The following PAX5 variants were observed in gnomAD, a reference collection of about 807,000 sequenced individuals.
The protein encoded by PAX5 is paired box 5, also known as paired box protein Pax-5.
Under a neutral mutation model 43.7 loss-of-function variants are expected in PAX5, and 9 were observed. The observed-to-expected ratio is 0.21, with a 90% confidence interval of 0.12 to 0.36. The LOEUF (loss-of-function observed/expected upper bound fraction) is 0.36. Ranked by LOEUF, PAX5 falls within the 10% of genes least tolerant of loss-of-function variation. PAX5 has a pLI of 1.00. For missense variants in PAX5, 383 were observed against 532.7 expected, an observed-to-expected ratio of 0.72 and a Z score of 2.77; for synonymous variants, 228 against 214.3, an observed-to-expected ratio of 1.06 and a Z score of -0.56.
chr9:36,990,308 A>T (rs1051462631), intron 5 of PAX5, among the ~76,000 whole-genome samples: 1 of 152,172 alleles, frequency 6.6e-6, no homozygotes. Flanking sequence ...TTGAGTCAGC[A>T]CTAGAACTCG....
At chr9:37,016,937 G>A (rs551597575) in intron 2 of PAX5, among the ~76,000 whole-genome samples, 24 of 152,276 alleles carry the variant, frequency 1.6e-4, no homozygotes, top group Non-Finnish European at 3.2e-4. Flanking sequence ...TCATTGAAAA[G>A]AGTGAGTCAT....
intron 1 of PAX5, among the ~76,000 whole-genome samples, chr9:37,025,664 C>T (rs1353485005): frequency 2.6e-5 from 4 of 152,356 alleles, no homozygotes; most frequent in Middle Eastern, 3.4e-3. Flanking sequence ...GCGCTCATCT[C>T]ACAGGAGGCT....
In PAX5 at chr9:36,984,427, G is replaced by A. The variant is rs59879244; in HGVS notation, c.605-17703C>T. On this transcript the variant is annotated intron_variant, in intron 5 of 9. Transcript: ENST00000358127. The stretch of plus-strand genomic sequence containing the variant: ...GCTTTGTGGCCCTGGATTGGTTATT[G>A]AACCTCTCTTTTTTTTTTTTTTTTT... Among the ~76,000 whole-genome samples, 816 of 127,128 alleles carry A rather than the reference G, an allele frequency of 6.4e-3. 12 individuals are homozygous for A. The highest frequency in any genetic ancestry group is 0.023 in the African/African-American group (749 of 32,054). 83.4% of individuals were successfully genotyped at this position (127,128 alleles called of 152,430 possible).
intron 1 of PAX5, among the ~76,000 whole-genome samples, chr9:37,026,248 C>A (rs921164007): frequency 6.6e-6 from 1 of 152,386 alleles, no homozygotes; most frequent in Middle Eastern, 3.4e-3. Context: ...CGGGTCCAAG[C>A]CAGGGTTCTC....
intron 7 of PAX5, among the ~76,000 whole-genome samples, chr9:36,919,000 G>C (rs576040333): frequency 8.5e-5 from 13 of 152,328 alleles, no homozygotes; most frequent in Admixed American, 2.6e-4. Context: ...CATAGATAGA[G>C]AGGAGAAGCC....
At chr9:36,856,157 A>G (rs936501127) in intron 8 of PAX5, among the ~76,000 whole-genome samples, 1 of 152,242 alleles carries the variant, frequency 6.6e-6, no homozygotes, top group Admixed American at 6.5e-5. Flanking sequence ...ATACCAATGC[A>G]GACTGAGTGA....
At chr9:36,885,409 G>T (rs3780138) in intron 7 of PAX5, among the ~76,000 whole-genome samples, 89,771 of 151,938 alleles carry the variant, frequency 0.59, 27,377 homozygotes, top group African/African-American at 0.75. Flanking sequence ...TCTGAGCCTC[G>T]ATTTCCTTAT....
At chr9:36,974,768 G>C (rs1835277724) in intron 5 of PAX5, among the ~76,000 whole-genome samples, 1 of 152,152 alleles carries the variant, frequency 6.6e-6, no homozygotes, top group South Asian at 2.1e-4. Flanking sequence ...GCTAGCTGCT[G>C]TCATCCTCAT....
At chr9:36,908,158 C>G (rs985589852) in intron 7 of PAX5, among the ~76,000 whole-genome samples, 1 of 150,440 alleles carries the variant, frequency 6.6e-6, no homozygotes, top group Non-Finnish European at 1.5e-5. Context: ...ATGATCACAC[C>G]GCTGCACTCC....
intron 1 of PAX5, among the ~76,000 whole-genome samples, chr9:37,030,439 C>A (rs1024096595): frequency 1.3e-5 from 2 of 152,198 alleles, no homozygotes; most frequent in Admixed American, 1.3e-4. Flanking sequence ...TGTCTCTGAA[C>A]GCCCACGAGC....
chr9:36,887,244 C>T (rs3780144), intron 7 of PAX5, among the ~76,000 whole-genome samples: 10,668 of 152,080 alleles, frequency 0.07, 386 homozygotes, highest in African/African-American at 0.077. Context: ...GATACCAGCA[C>T]CTGAAGAAAA....
intron 8 of PAX5, among the ~76,000 whole-genome samples, chr9:36,878,105 C>T (rs1826084177): frequency 6.6e-6 from 1 of 152,138 alleles, no homozygotes; most frequent in African/African-American, 2.4e-5. Context: ...ATAGCCCTGG[C>T]GACACCTTGA....
intron 7 of PAX5, among the ~76,000 whole-genome samples, chr9:36,915,200 A>T (rs1829637582): frequency 6.6e-6 from 1 of 152,246 alleles, no homozygotes; most frequent in South Asian, 2.1e-4. Flanking sequence ...TTCTGAGTCA[A>T]GCAAGTAAAC....
chr9:36,841,444 G>T (rs1482441137), intron 9 of PAX5, among the ~76,000 whole-genome samples: 1 of 152,206 alleles, frequency 6.6e-6, no homozygotes, highest in Admixed American at 6.5e-5. Context: ...AAACTTCTAT[G>T]CCTCTTTCAA....
chr9:36,970,263 C>T (rs552500071), intron 5 of PAX5, among the ~76,000 whole-genome samples: 6 of 152,168 alleles, frequency 3.9e-5, no homozygotes, highest in African/African-American at 1.4e-4. Flanking sequence ...TGCATGGAAC[C>T]GTGAGGAGTG....
At chr9:36,926,154 C>G (rs1563975234) in intron 6 of PAX5, among the ~76,000 whole-genome samples, 1 of 152,202 alleles carries the variant, frequency 6.6e-6, no homozygotes, top group Non-Finnish European at 1.5e-5. Context: ...CATACAGCTT[C>G]TAGGTGCCCA....
intron 8 of PAX5, among the ~76,000 whole-genome samples, chr9:36,871,862 G>A (rs1468482612): frequency 6.6e-6 from 1 of 152,210 alleles, no homozygotes; most frequent in Non-Finnish European, 1.5e-5. Context: ...AGTGAGCACC[G>A]GCTTTGGACA....
chr9:36,855,493 C>T lies in PAX5; in HGVS notation c.1013-8564G>A, dbSNP rs570116217. On this transcript the variant is annotated intron_variant, in intron 8 of 9. Coordinates refer to ENST00000358127, the MANE Select transcript of PAX5 (RefSeq NM_016734.3). The stretch of plus-strand genomic sequence containing the variant: ...TGCCCTCATCTAAGCAAACAATGGG[C>T]ATGTACAAATGACCCCCCTGAAGCC... Among the ~76,000 whole-genome samples, 27 of 139,942 alleles carry T rather than the reference C, an allele frequency of 1.9e-4. No homozygotes were observed. The East Asian group carries it at 6.1e-3, about 32-fold the overall frequency. The allele number at this position is 139,942 out of a possible 152,430, so 91.8% of individuals were successfully genotyped here.
At chr9:36,938,402 C>T (rs961930509) in intron 6 of PAX5, among the ~76,000 whole-genome samples, 9 of 152,146 alleles carry the variant, frequency 5.9e-5, no homozygotes, top group African/African-American at 2.2e-4. Context: ...TACACACACA[C>T]ATATATTAAT....
Sources: gnomAD v4.1 joint callset for allele counts (sites outside exome capture counted in the v4.1 genomes callset) on GRCh38, gnomAD v4.1.1 for gene constraint, MANE v1.5 for transcripts, NCBI Gene and HGNC (gene_info 2026-07-23, HGNC 2026-07-21) for gene names.